LTBP2: variants seen among roughly 807,000 people sequenced by gnomAD.
LTBP2 encodes latent transforming growth factor beta binding protein 2.
A neutral mutation model predicts 210.6 loss-of-function variants in LTBP2; 103 were observed. The ratio of observed to expected loss-of-function variants is 0.49; its 90% CI spans 0.42 to 0.58. The LOEUF (loss-of-function observed/expected upper bound fraction) is 0.58. Among genes scored for constraint, LTBP2 ranks in the 20% least tolerant of loss-of-function variants. The pLI, the probability that LTBP2 is intolerant of heterozygous loss-of-function variation, is 0.00. For synonymous variants in LTBP2, 1,007 were observed against 1,015.0 expected (o/e 0.99, Z 0.15); for missense variants, 2,313 against 2,494.5 (o/e 0.93, Z 1.55).
At chr14:74,587,535 GA>G (rs2032975888) in intron 2 of LTBP2, among the ~76,000 whole-genome samples, 1 of 151,458 alleles carries the variant, frequency 6.6e-6, no homozygotes, top group South Asian at 2.1e-4. Flanking sequence ...CCAAGCAGAG[GA>G]CGAGGCGAAG....
intron 3 of LTBP2, among the ~76,000 whole-genome samples, chr14:74,585,383 C>T (rs1041369420): frequency 6.6e-6 from 1 of 152,202 alleles, no homozygotes; most frequent in African/African-American, 2.4e-5. Context: ...CCATATGTGC[C>T]AGGCACTGTT....
intron 28 of LTBP2, among the ~76,000 whole-genome samples, chr14:74,505,847 C>T (rs1266061403): frequency 6.6e-6 from 1 of 152,182 alleles, no homozygotes; most frequent in Non-Finnish European, 1.5e-5. Context: ...CGTCGCCACC[C>T]TGTAGCTCCT....
chr14:74,537,923 T>G (rs12894581), intron 8 of LTBP2, among the ~76,000 whole-genome samples: 47,548 of 151,776 alleles, frequency 0.31, 7,939 homozygotes, highest in Non-Finnish European at 0.38. Flanking sequence ...GCTGGCTAAC[T>G]TTTGTATCTT....
intron 12 of LTBP2, among the ~76,000 whole-genome samples, chr14:74,527,838 G>T (rs12886662): frequency 0.3 from 44,883 of 152,118 alleles, 6,988 homozygotes; most frequent in African/African-American, 0.38. Context: ...CCGGTGTCCT[G>T]TGTCCACAAC....
chr14:74,604,299 G>A (rs546388893), intron 1 of LTBP2, among the ~76,000 whole-genome samples: 2 of 151,952 alleles, frequency 1.3e-5, no homozygotes, highest in Non-Finnish European at 2.9e-5. Context: ...ACCTGCCAAC[G>A]AATGCACACT....
intron 34 of LTBP2, chr14:74,501,958 A>G: frequency 2.9e-6 from 1 of 340,878 alleles, no homozygotes; most frequent in South Asian, 2.9e-5. Context: ...TTAAACCTTC[A>G]CATCGTGTTT....
intron 17 of LTBP2, among the ~76,000 whole-genome samples, chr14:74,519,972 TC>T (rs556276987): frequency 6.9e-4 from 105 of 152,212 alleles, no homozygotes; most frequent in African/African-American, 2.5e-3. Context: ...TTAAGTCAGC[TC>T]CCCGGAAGTC....
Position 74,601,083 on chromosome 14 carries a change from G to A in LTBP2, c.565+2552C>T, listed in dbSNP as rs1566656071. Among the ~76,000 whole-genome samples, 36 of 152,080 alleles carry A rather than the reference G, an allele frequency of 2.4e-4. 1 individual carries two copies. On this transcript the variant is annotated intron_variant, in intron 2 of 35. Coordinates refer to ENST00000261978, the MANE Select transcript of LTBP2 (RefSeq NM_000428.3). ...GCTGTTAAAAAAATTACAGTGCCAG[G>A]CCCCAGCCCCAGAGCCTCTGCTTAG...
At chr14:74,556,224 TAAC>T (rs919934383) in intron 3 of LTBP2, among the ~76,000 whole-genome samples, 12 of 152,364 alleles carry the variant, frequency 7.9e-5, no homozygotes, top group Non-Finnish European at 1.5e-4. Flanking sequence ...AAGAATAATG[TAAC>T]AACAATATTC....
Position 74,551,142 on chromosome 14 carries a change from G to A in LTBP2, c.1608C>T (p.Pro536=), listed in dbSNP as rs745689431. 5 of 1,613,874 alleles carry A rather than the reference G, an allele frequency of 3.1e-6. No individual in the cohort carries two copies. The Admixed American group carries it at 5.0e-5, about 16-fold the overall frequency. Residue 536 remains proline (P), a synonymous_variant, in exon 7 of 36, where the codon CCC becomes CCT. Transcript: ENST00000261978. The part of the protein sequence containing the change: ...SNNIPARSGE[P]PRPLPPAAPR... Reference sequence around the variant, plus strand: ...GTGCTGCTGGGGGCAGTGGCCGAGGGGGCTCTCCAGACCGAGCAGGGATGT... The same window carrying A: ...GTGCTGCTGGGGGCAGTGGCCGAGGAGGCTCTCCAGACCGAGCAGGGATGT...
Position 74,586,183 on chromosome 14 carries a change from C to T in LTBP2, c.566-65G>A, listed in dbSNP as rs922888142. 6.6e-7 allele frequency: 1 copy of T among 1,523,806 alleles called. No individual in the cohort carries two copies. Among genetic ancestry groups the T allele is most frequent in the Non-Finnish European group, 8.9e-7 (1 of 1,127,870 alleles). The allele number at this position is 1,523,806 out of a possible 1,614,324, so 94.4% of individuals were successfully genotyped here. On this transcript the variant is annotated intron_variant, in intron 2 of 35. Transcript: ENST00000261978. This position sits in a 1 kb window ranked among gnomAD's most constrained non-coding sequence, Gnocchi z 4.6. ...GGCACTGAGACCACAGCTGCCCACA[C>T]CTTCCTGTCAGAAGGGCCCTCCTGA...
chr14:74,508,131 G>C (rs555010804), intron 24 of LTBP2, 36 bp from the exon 25 acceptor site: 1 of 1,612,316 alleles, frequency 6.2e-7, no homozygotes, highest in South Asian at 1.1e-5. Flanking sequence ...ACCCAGCCAC[G>C]GGTCCCTTCC....
At position 74,552,985 on chromosome 14, in the gene LTBP2, C is replaced by T; in HGVS notation, c.1099G>A (p.Gly367Arg). Reference protein sequence around the residue: ...PTICKQTCARGHCANSCERGD... With the variant: ...PTICKQTCARRHCANSCERGD... ...CTCTCACAGCTGTTGGCACAGTGTC[C>T]ACGGGCACAGGTCTGCTTGCAGATG... Residue 367 changes from glycine (G) to arginine (R), a missense_variant, in exon 5 of 36, where the codon GGA (glycine) becomes AGA (arginine). Gly to Arg is a moderately radical substitution (Grantham distance 125). Coordinates refer to ENST00000261978, the MANE Select transcript of LTBP2 (RefSeq NM_000428.3). 1 of 1,614,178 alleles carries T rather than the reference C, an allele frequency of 6.2e-7. No individual in the cohort carries two copies. The highest frequency in any genetic ancestry group is 8.5e-7 in the Non-Finnish European group (1 of 1,180,020).
chr14:74,522,874 C>T lies in LTBP2; in HGVS notation c.2575G>A (p.Gly859Arg). 6.2e-7 allele frequency: 1 copy of T among 1,612,770 alleles called. No homozygotes were observed. The highest frequency in any genetic ancestry group is 2.2e-5 in the East Asian group (1 of 44,874). The change falls in exon 16 of 36, where the codon GGA becomes AGA. Residue 859 changes from glycine (G) to arginine (R), a missense_variant. By Grantham distance (125) the Gly-to-Arg change is moderately radical. Transcript: ENST00000261978. ...CCATCGGGGAGGTTCACGCAGGTTC[C>T]AGGGCCACAGACGTTGGTGGCTCCA... ...AAGATNVCGP[G>R]TCVNLPDGYR...
At chr14:74,605,896 G>A (rs1007037766) in intron 1 of LTBP2, among the ~76,000 whole-genome samples, 4 of 152,130 alleles carry the variant, frequency 2.6e-5, no homozygotes, top group Non-Finnish European at 5.9e-5. Flanking sequence ...GGCTGGTAGG[G>A]CACTCAAGAG....
At chr14:74,587,064 C>T (rs566507379) in intron 2 of LTBP2, among the ~76,000 whole-genome samples, 2 of 152,316 alleles carry the variant, frequency 1.3e-5, no homozygotes, top group African/African-American at 4.8e-5. Flanking sequence ...CTTGCAAAGT[C>T]CAGAGCCACA....
intron 19 of LTBP2, 30 bp from the exon 20 acceptor site, chr14:74,510,243 T>TG: frequency 6.2e-7 from 1 of 1,611,334 alleles, no homozygotes; most frequent in South Asian, 1.1e-5. Context: ...GACGGTGGGC[T>TG]GGCCTCCTCC....
In LTBP2 at chr14:74,508,757, T is replaced by A. The variant is rs373830272; in HGVS notation, c.3527-28A>T. ...GCAGGGAAAAGATGGGGAGTGGGTGTCTGCTGGGGATGTGCCTGCCTCCCC... is the reference window on the plus strand; with the variant it reads ...GCAGGGAAAAGATGGGGAGTGGGTGACTGCTGGGGATGTGCCTGCCTCCCC... On this transcript the variant is annotated intron_variant, in intron 23 of 35. Coordinates refer to ENST00000261978, the MANE Select transcript of LTBP2 (RefSeq NM_000428.3). 13 of 1,613,164 alleles carry A rather than the reference T, an allele frequency of 8.1e-6. No homozygotes were observed. In the African/African-American group the frequency reaches 1.6e-4, roughly 20 times the overall value.
chr14:74,531,281 A>AG (rs943856528), intron 10 of LTBP2, among the ~76,000 whole-genome samples: 6 of 152,182 alleles, frequency 3.9e-5, no homozygotes, highest in African/African-American at 1.4e-4. Flanking sequence ...AGGGACAGAG[A>AG]GGGAAAAAAG....
Sources: gnomAD v4.1 joint callset for allele counts (sites outside exome capture counted in the v4.1 genomes callset) on GRCh38, gnomAD v4.1.1 for gene constraint, Gnocchi (gnomAD v3.1) non-coding constraint, MANE v1.5 for transcripts, NCBI Gene and HGNC (gene_info 2026-07-23, HGNC 2026-07-21) for gene names.